The following VWC2L variants were observed in gnomAD, a reference collection of about 807,000 sequenced individuals.
The protein encoded by VWC2L is von Willebrand factor C domain-containing protein 2-like.
A neutral mutation model predicts 21.6 loss-of-function variants in VWC2L; 10 were observed. The observed-to-expected ratio is 0.46, with a 90% CI of 0.29 to 0.78. The LOEUF (loss-of-function observed/expected upper bound fraction) is 0.78, where lower values mean the gene tolerates loss of function less well. Among genes scored for constraint, VWC2L ranks in the 30% least tolerant of loss-of-function variants. The pLI is 0.10. For synonymous variants in VWC2L, 96 were observed against 94.3 expected (o/e 1.02, Z -0.10); for missense variants, 209 against 277.1 (o/e 0.75, Z 1.74).
chr2:214,491,789 G>A (rs1385439812), intron 3 of VWC2L, among the ~76,000 whole-genome samples: 1 of 151,990 alleles, frequency 6.6e-6, no homozygotes, highest in South Asian at 2.1e-4. Flanking sequence ...TTAACCTCCT[G>A]AGTTTTATTT....
At chr2:214,524,843 G>A (rs188596503) in intron 3 of VWC2L, among the ~76,000 whole-genome samples, 4 of 151,956 alleles carry the variant, frequency 2.6e-5, no homozygotes, top group Admixed American at 2.6e-4. Context: ...GACCGTTATA[G>A]AATCTTGACT....
intron 2 of VWC2L, among the ~76,000 whole-genome samples, chr2:214,426,054 C>G (rs1290466584): frequency 6.6e-6 from 1 of 151,324 alleles, no homozygotes. Flanking sequence ...TGCCCATAGT[C>G]CCAGGTACTT....
At chr2:214,518,268 G>T (rs1175043399) in intron 3 of VWC2L, among the ~76,000 whole-genome samples, 1 of 152,130 alleles carries the variant, frequency 6.6e-6, no homozygotes, top group Non-Finnish European at 1.5e-5. Flanking sequence ...TTGTGCTAGG[G>T]CAAGATACCT....
Position 214,578,688 on chromosome 2 carries a change from G to C in VWC2L, c.*2868G>C, listed in dbSNP as rs1046261084. ...GTTTCTTGTGAAGTCTTTGTTTGCAGCCACACTGTCATCTCTGTACTCCTA... is the reference window on the plus strand; with the variant it reads ...GTTTCTTGTGAAGTCTTTGTTTGCACCCACACTGTCATCTCTGTACTCCTA... On this transcript the variant is annotated 3_prime_UTR_variant, in exon 4 of 4. Coordinates refer to ENST00000312504, the MANE Select transcript of VWC2L (RefSeq NM_001080500.4). The C allele has an allele frequency of 6.6e-6, 1 of 152,076 alleles. No individual in the cohort carries two copies. The highest frequency in any genetic ancestry group is 1.5e-5 in the Non-Finnish European group (1 of 68,024). 9.4% of individuals were successfully genotyped at this position (152,076 alleles called of 1,614,324 possible). A position where few individuals can be genotyped will look rare whatever the true frequency, so the allele number is the denominator to read the frequency against.
intron 3 of VWC2L, among the ~76,000 whole-genome samples, chr2:214,500,885 A>T (rs1023878222): frequency 6.6e-6 from 1 of 152,168 alleles, no homozygotes; most frequent in Non-Finnish European, 1.5e-5. Flanking sequence ...GTTATATAAG[A>T]CCTTTCTCAG....
intron 3 of VWC2L, among the ~76,000 whole-genome samples, chr2:214,574,357 T>G (rs962513769): frequency 1.3e-5 from 2 of 152,100 alleles, no homozygotes; most frequent in African/African-American, 2.4e-5. Context: ...GTCTGGGAGC[T>G]CTGAAACAAT....
At chr2:214,479,043 T>C (rs1004819706) in intron 3 of VWC2L, among the ~76,000 whole-genome samples, 4 of 152,186 alleles carry the variant, frequency 2.6e-5, no homozygotes, top group Admixed American at 1.3e-4. Context: ...CAAAAGTCTC[T>C]TCAGCGATGC....
chr2:214,537,092 T>A (rs958636937), intron 3 of VWC2L, among the ~76,000 whole-genome samples: 3 of 151,866 alleles, frequency 2.0e-5, no homozygotes, highest in African/African-American at 4.8e-5. Context: ...CCCCCATCCC[T>A]CTCTCCCATA....
chr2:214,472,856 G>C (rs899404399), intron 3 of VWC2L, among the ~76,000 whole-genome samples: 1 of 152,198 alleles, frequency 6.6e-6, no homozygotes, highest in African/African-American at 2.4e-5. Flanking sequence ...TGGCAGGCTT[G>C]TCATTTCAGT....
intron 3 of VWC2L, among the ~76,000 whole-genome samples, chr2:214,546,861 A>G (rs937841409): frequency 6.6e-6 from 1 of 152,110 alleles, no homozygotes; most frequent in Non-Finnish European, 1.5e-5. Flanking sequence ...CACAGAGGAA[A>G]CCCCAAAAAG....
intron 3 of VWC2L, among the ~76,000 whole-genome samples, chr2:214,462,041 C>A (rs978450790): frequency 6.6e-6 from 1 of 151,432 alleles, no homozygotes; most frequent in Non-Finnish European, 1.5e-5. Flanking sequence ...TGTGTAGACA[C>A]GGGAAAATGT....
At chr2:214,530,839 T>C (rs1198041674) in intron 3 of VWC2L, among the ~76,000 whole-genome samples, 2 of 152,184 alleles carry the variant, frequency 1.3e-5, no homozygotes, top group East Asian at 3.9e-4. Flanking sequence ...CTGGTAGCCA[T>C]ATAAAAGGGA....
chr2:214,432,164 G>A (rs1225044464), intron 2 of VWC2L, among the ~76,000 whole-genome samples: 1 of 152,172 alleles, frequency 6.6e-6, no homozygotes, highest in Non-Finnish European at 1.5e-5. Context: ...TAGCAAATAA[G>A]AAAACATAGA....
chr2:214,516,598 T>C (rs1689147103), intron 3 of VWC2L, among the ~76,000 whole-genome samples: 1 of 151,808 alleles, frequency 6.6e-6, no homozygotes, highest in African/African-American at 2.4e-5. Flanking sequence ...TTTATGTCGA[T>C]TATGCATAGC....
intron 3 of VWC2L, among the ~76,000 whole-genome samples, chr2:214,564,737 G>A (rs978956592): frequency 6.6e-6 from 1 of 152,142 alleles, no homozygotes; most frequent in African/African-American, 2.4e-5. Context: ...TTAAATGTAT[G>A]CATTGATTTA....
intron 3 of VWC2L, among the ~76,000 whole-genome samples, chr2:214,567,587 CACACACACAG>C (rs1337477084): frequency 0.051 from 6,850 of 134,440 alleles, 132 homozygotes; most frequent in Middle Eastern, 0.083. Context: ...CACACACACA[CACACACACAG>C]AGAGAGAGAG....
intron 3 of VWC2L, among the ~76,000 whole-genome samples, chr2:214,460,590 C>G (rs1456673317): frequency 6.6e-6 from 1 of 152,086 alleles, no homozygotes; most frequent in African/African-American, 2.4e-5. Flanking sequence ...TTTTCACTCA[C>G]TGGATTCTTT....
At chr2:214,541,014 G>C (rs1689618214) in intron 3 of VWC2L, among the ~76,000 whole-genome samples, 1 of 152,036 alleles carries the variant, frequency 6.6e-6, no homozygotes, top group Admixed American at 6.6e-5. Context: ...AGACATGCTA[G>C]TTAATTGTTA....
At chr2:214,491,520 C>T (rs1299531316) in intron 3 of VWC2L, among the ~76,000 whole-genome samples, 1 of 152,138 alleles carries the variant, frequency 6.6e-6, no homozygotes, top group Admixed American at 6.6e-5. Flanking sequence ...GAATAAAGTG[C>T]TTGTGCTTTT....
Sources: allele counts gnomAD v4.1 joint callset (sites outside exome capture counted in the v4.1 genomes callset), GRCh38; gene constraint gnomAD v4.1.1; transcripts MANE v1.5; gene names NCBI Gene and HGNC (gene_info 2026-07-23, HGNC 2026-07-21).